The following IMMP2L variants were observed in gnomAD, a reference collection of about 807,000 sequenced individuals.
IMMP2L encodes the protein mitochondrial inner membrane protease subunit 2.
Under a neutral mutation model 19.3 loss-of-function variants are expected in IMMP2L, and 18 were observed. The observed-to-expected ratio is 0.93, with a 90% CI of 0.64 to 1.38. The LOEUF is 1.38. Ranked by LOEUF, IMMP2L falls within the 40% of genes most tolerant of loss-of-function variation. The probability of loss-of-function intolerance (pLI) is 0.00; values close to 1 mark genes in which losing one functional copy is unlikely to be tolerated. For synonymous variants in IMMP2L, 76 were observed against 73.0 expected, an observed-to-expected ratio of 1.04 and a Z score of -0.21; for missense variants, 233 against 218.2, an observed-to-expected ratio of 1.07 and a Z score of -0.43.
At chr7:111,114,308 A>C (rs1799586836) in intron 3 of IMMP2L, among the ~76,000 whole-genome samples, 1 of 152,216 alleles carries the variant, frequency 6.6e-6, no homozygotes, top group African/African-American at 2.4e-5. Context: ...AAATGAAATT[A>C]GCACCTTGTC....
At chr7:110,741,211 T>C (rs1796968921) in intron 5 of IMMP2L, among the ~76,000 whole-genome samples, 2 of 152,204 alleles carry the variant, frequency 1.3e-5, no homozygotes, top group South Asian at 4.1e-4. Context: ...AAACTATTAT[T>C]CTAAGTAATT....
At chr7:110,671,776 C>A (rs117101794) in intron 5 of IMMP2L, among the ~76,000 whole-genome samples, 2 of 151,924 alleles carry the variant, frequency 1.3e-5, no homozygotes, top group East Asian at 3.9e-4. Flanking sequence ...CTTGCAAGGA[C>A]AAGATAAGGA....
At chr7:110,698,596 T>C (rs868022926) in intron 5 of IMMP2L, among the ~76,000 whole-genome samples, 7 of 152,140 alleles carry the variant, frequency 4.6e-5, no homozygotes, top group African/African-American at 1.2e-4. Flanking sequence ...CCATAGAAAC[T>C]GACATATAAA....
At chr7:111,298,257 A>G (rs1787681899) in intron 3 of IMMP2L, among the ~76,000 whole-genome samples, 1 of 152,100 alleles carries the variant, frequency 6.6e-6, no homozygotes, top group Non-Finnish European at 1.5e-5. Flanking sequence ...AGAACCAGAC[A>G]GCCTCAGCTG....
At chr7:111,237,796 A>G (rs1814511455) in intron 3 of IMMP2L, among the ~76,000 whole-genome samples, 1 of 152,032 alleles carries the variant, frequency 6.6e-6, no homozygotes, top group Non-Finnish European at 1.5e-5. Context: ...ATGCAAGGTC[A>G]GTCACCTTAG....
chr7:111,150,596 TTGAAGTG>T (rs1259902948), intron 3 of IMMP2L, among the ~76,000 whole-genome samples: 1 of 152,144 alleles, frequency 6.6e-6, no homozygotes, highest in Non-Finnish European at 1.5e-5. Flanking sequence ...AGAAGCAAGG[TTGAAGTG>T]TGTTTTGTCC....
rs565384958 is a variant in IMMP2L, at chr7:111,480,647, C to A, written c.239+6591G>T. Among the ~76,000 whole-genome samples, 3 of 149,858 alleles carry A rather than the reference C, an allele frequency of 2.0e-5. No individual in the cohort carries two copies. The East Asian group carries it at 5.9e-4, about 29-fold the overall frequency. On this transcript the variant is annotated intron_variant, in intron 3 of 5. Coordinates refer to ENST00000405709, the MANE Select transcript of IMMP2L (RefSeq NM_032549.4). The stretch of plus-strand genomic sequence containing the variant: ...ACTGGAAACCTAGGTACTTCATCCT[C>A]CCTAAAGAATCTTTCATAAAAGTCA...
chr7:111,094,626 T>C (rs868122224), intron 3 of IMMP2L, among the ~76,000 whole-genome samples: 5 of 152,174 alleles, frequency 3.3e-5, no homozygotes, highest in African/African-American at 9.7e-5. Flanking sequence ...ATATTGGCTA[T>C]GCAATGAGTA....
chr7:111,191,459 CACACACACACACACAA>C, intron 3 of IMMP2L, among the ~76,000 whole-genome samples: 1 of 151,316 alleles, frequency 6.6e-6, no homozygotes, highest in African/African-American at 2.4e-5. Context: ...CACACACACA[CACACACACACACACAA>C]AACTTATATG....
chr7:111,451,036 C>T (rs1839104500), intron 3 of IMMP2L, among the ~76,000 whole-genome samples: 1 of 148,318 alleles, frequency 6.7e-6, no homozygotes, highest in South Asian at 2.1e-4. Context: ...GTTAGAATGG[C>T]GATCATTAAA....
intron 3 of IMMP2L, among the ~76,000 whole-genome samples, chr7:111,064,366 T>C (rs992705489): frequency 1.5e-4 from 23 of 152,120 alleles, no homozygotes; most frequent in Admixed American, 1.3e-4. Context: ...AGGAGGTGGA[T>C]TGATAGAATG....
chr7:111,445,909 C>T (rs941140214), intron 3 of IMMP2L, among the ~76,000 whole-genome samples: 1 of 152,176 alleles, frequency 6.6e-6, no homozygotes, highest in African/African-American at 2.4e-5. Context: ...CGCAAGGGGT[C>T]AGGGAGTTCC....
intron 3 of IMMP2L, among the ~76,000 whole-genome samples, chr7:111,464,279 GC>G (rs1469110651): frequency 6.6e-6 from 1 of 152,152 alleles, no homozygotes; most frequent in Non-Finnish European, 1.5e-5. Flanking sequence ...TTCAAGACCA[GC>G]CTGAGAAAAA....
At chr7:111,292,162 T>C (rs1821182573) in intron 3 of IMMP2L, among the ~76,000 whole-genome samples, 1 of 152,186 alleles carries the variant, frequency 6.6e-6, no homozygotes, top group South Asian at 2.1e-4. Flanking sequence ...ATGATTTCAC[T>C]GAACTTGAAG....
At chr7:111,016,574 C>A (rs1825598105) in intron 3 of IMMP2L, among the ~76,000 whole-genome samples, 1 of 112,190 alleles carries the variant, frequency 8.9e-6, no homozygotes, top group Non-Finnish European at 1.6e-5. Flanking sequence ...ATAATACATA[C>A]ATATACATAT....
chr7:110,665,195 G>C (rs2130246778), intron 5 of IMMP2L, among the ~76,000 whole-genome samples: 1 of 152,168 alleles, frequency 6.6e-6, no homozygotes, highest in East Asian at 1.9e-4. Context: ...TAAAAAATTT[G>C]AAAGTGTGGT....
intron 3 of IMMP2L, among the ~76,000 whole-genome samples, chr7:111,253,825 A>G (rs1291918427): frequency 6.6e-6 from 1 of 152,168 alleles, no homozygotes; most frequent in Non-Finnish European, 1.5e-5. Context: ...TAATGAAAGT[A>G]ACTGAAGAGC....
At chr7:110,964,823 C>T (rs771556935) in intron 3 of IMMP2L, among the ~76,000 whole-genome samples, 45 of 151,946 alleles carry the variant, frequency 3.0e-4, no homozygotes, top group Non-Finnish European at 5.9e-4. Flanking sequence ...TCATGGATCA[C>T]TCTAGAAGTC....
intron 3 of IMMP2L, among the ~76,000 whole-genome samples, chr7:111,088,647 T>C (rs1796559120): frequency 6.6e-6 from 1 of 152,186 alleles, no homozygotes; most frequent in Admixed American, 6.5e-5. Flanking sequence ...TCCATGGTTC[T>C]CATTTGATGA....
Sources: allele counts gnomAD v4.1 joint callset (sites outside exome capture counted in the v4.1 genomes callset), GRCh38; gene constraint gnomAD v4.1.1; transcripts MANE v1.5; gene names NCBI Gene and HGNC (gene_info 2026-07-23, HGNC 2026-07-21).